Variants in CCDC181 observed in about 807,000 individuals in gnomAD.
The protein encoded by CCDC181 is coiled-coil domain containing 181.
A neutral mutation model predicts 58.7 loss-of-function variants in CCDC181; 35 were observed. The ratio of observed to expected loss-of-function variants is 0.60; its 90% CI spans 0.46 to 0.79. The LOEUF is 0.79. Ranked by LOEUF, CCDC181 falls within the 30% of genes least tolerant of loss-of-function variation. CCDC181 has a pLI of 0.00. For missense variants in CCDC181, 517 were observed against 583.9 expected, an observed-to-expected ratio of 0.89 and a Z score of 1.18; for synonymous variants, 183 against 197.5, an observed-to-expected ratio of 0.93 and a Z score of 0.62.
At chr1:169,438,213 A>C (rs1035569835) in intron 2 of CCDC181, among the ~76,000 whole-genome samples, 1 of 151,356 alleles carries the variant, frequency 6.6e-6, no homozygotes, top group Non-Finnish European at 1.5e-5. Context: ...TTTTTTTTAA[A>C]TATATTAATC....
At chr1:169,444,393 C>T (rs1269487246) in intron 2 of CCDC181, among the ~76,000 whole-genome samples, 2 of 152,152 alleles carry the variant, frequency 1.3e-5, no homozygotes, top group East Asian at 1.9e-4. Context: ...AGTAATTTCT[C>T]AGGTGGCATT....
intron 2 of CCDC181, chr1:169,443,098 T>G (rs1657281138): frequency 1.3e-5 from 2 of 151,612 alleles, no homozygotes; most frequent in African/African-American, 4.8e-5. Flanking sequence ...GACCTTCTTT[T>G]TGTTATTCGC....
At chr1:169,455,070 AT>A (rs1490506363) in intron 2 of CCDC181, among the ~76,000 whole-genome samples, 1 of 151,724 alleles carries the variant, frequency 6.6e-6, no homozygotes, top group South Asian at 2.1e-4. Context: ...AAAATACCAA[AT>A]TTTTTCTATT....
chr1:169,421,151 C>G (rs1182239961), intron 3 of CCDC181, among the ~76,000 whole-genome samples: 2 of 152,198 alleles, frequency 1.3e-5, no homozygotes, highest in African/African-American at 4.8e-5. Flanking sequence ...ACAGATCAGT[C>G]TACTATTCTT....
At chr1:169,400,482 A>G (rs1413189640) in intron 4 of CCDC181, among the ~76,000 whole-genome samples, 8 of 152,198 alleles carry the variant, frequency 5.3e-5, no homozygotes, top group Admixed American at 5.2e-4. Context: ...AAACAAGAAA[A>G]TGTGACCCAT....
chr1:169,404,216 C>G (rs1197832389), intron 4 of CCDC181, among the ~76,000 whole-genome samples: 1 of 152,184 alleles, frequency 6.6e-6, no homozygotes, highest in Non-Finnish European at 1.5e-5. Context: ...GATTCACAGC[C>G]AAATTCTACC....
At chr1:169,425,007 G>A in intron 1 of CCDC181, 57 bp from the exon 2 acceptor site, 1 of 715,938 alleles carries the variant, frequency 1.4e-6, no homozygotes, top group Non-Finnish European at 2.4e-6. Flanking sequence ...GAGGAATGGA[G>A]TATGGAGATT....
chr1:169,440,330 A>G (rs1318453954), intron 2 of CCDC181, among the ~76,000 whole-genome samples: 3 of 152,152 alleles, frequency 2.0e-5, no homozygotes, highest in Non-Finnish European at 2.9e-5. Context: ...GGAGCCCCCA[A>G]ATTTGTAACT....
upstream of CCDC181, among the ~76,000 whole-genome samples, chr1:169,428,615 C>T (rs575050692): frequency 1.4e-4 from 21 of 152,146 alleles, no homozygotes; most frequent in South Asian, 4.4e-3. Flanking sequence ...GAGCAGTGTA[C>T]ACTGTACCCA....
intron 2 of CCDC181, among the ~76,000 whole-genome samples, chr1:169,438,322 T>C (rs1231352681): frequency 1.3e-5 from 2 of 151,956 alleles, no homozygotes; most frequent in Non-Finnish European, 2.9e-5. Flanking sequence ...GGTAAGAATT[T>C]CTTACCCTTT....
intron 2 of CCDC181, among the ~76,000 whole-genome samples, chr1:169,435,082 T>A (rs946103270): frequency 4.6e-5 from 7 of 152,046 alleles, no homozygotes; most frequent in Non-Finnish European, 8.8e-5. Flanking sequence ...TTAAAAATGG[T>A]TAAGATAATA....
chr1:169,409,208 G>A (rs1345961385), intron 4 of CCDC181, among the ~76,000 whole-genome samples: 2 of 152,198 alleles, frequency 1.3e-5, no homozygotes, highest in Non-Finnish European at 2.9e-5. Context: ...ACCTGATGGA[G>A]CTGAAAAACA....
At chr1:169,439,846 C>G (rs1657161867) in intron 2 of CCDC181, among the ~76,000 whole-genome samples, 1 of 152,084 alleles carries the variant, frequency 6.6e-6, no homozygotes, top group African/African-American at 2.4e-5. Context: ...GATGATCTTT[C>G]CCTGAAGTTC....
At position 169,395,016 on chromosome 1, in the gene CCDC181, A is replaced by C. The variant is rs758466540; in HGVS notation, c.*31T>G. On this transcript the variant is annotated 3_prime_UTR_variant, in exon 6 of 6. Transcript: ENST00000367806. ...AAATCATATCCAAAATTTTGATAGC[A>C]GCTGCCCACTGAAATATTTAATAGA... is the stretch of plus-strand genomic sequence containing the variant. 1 of 1,553,782 alleles carries C rather than the reference A, an allele frequency of 6.4e-7. No homozygotes were observed. The highest frequency in any genetic ancestry group is 2.3e-5 in the East Asian group (1 of 42,816).
At chr1:169,434,471 A>G (rs1657002452) in intron 2 of CCDC181, among the ~76,000 whole-genome samples, 1 of 152,050 alleles carries the variant, frequency 6.6e-6, no homozygotes, top group African/African-American at 2.4e-5. Flanking sequence ...CTTGAAAAAA[A>G]TATTTGTACA....
intron 2 of CCDC181, among the ~76,000 whole-genome samples, chr1:169,458,903 T>C (rs1657754851): frequency 6.6e-6 from 1 of 152,000 alleles, no homozygotes. Context: ...CTGAGAGTAA[T>C]AGTCCACCAA....
intron 2 of CCDC181, among the ~76,000 whole-genome samples, chr1:169,450,040 G>C (rs1255609332): frequency 1.3e-5 from 2 of 152,204 alleles, no homozygotes; most frequent in Non-Finnish European, 2.9e-5. Context: ...TGGGGGTGAA[G>C]TATGAAGAGA....
intron 2 of CCDC181, among the ~76,000 whole-genome samples, chr1:169,448,269 T>A (rs1231071399): frequency 1.3e-5 from 2 of 152,150 alleles, no homozygotes; most frequent in East Asian, 3.8e-4. Context: ...ATTTATTCCT[T>A]CTCTAACATT....
At chr1:169,419,182 C>T (rs761623255) in intron 3 of CCDC181, 23 bp from the exon 4 acceptor site, 67 of 1,533,234 alleles carry the variant, frequency 4.4e-5, no homozygotes, top group Non-Finnish European at 5.7e-5. Flanking sequence ...TATGAAAAGA[C>T]ATTAATGGAA....
Sources: gnomAD v4.1 joint callset for allele counts (sites outside exome capture counted in the v4.1 genomes callset) on GRCh38, gnomAD v4.1.1 for gene constraint, MANE v1.5 for transcripts, NCBI Gene and HGNC (gene_info 2026-07-23, HGNC 2026-07-21) for gene names.